The following LRRC7 variants were observed in gnomAD, a reference collection of about 807,000 sequenced individuals.
LRRC7 encodes leucine rich repeat containing 7.
LRRC7 carries 23 observed loss-of-function variants against 175.7 expected under a neutral mutation model. That is an observed-to-expected ratio of 0.13 (90% CI 0.09 to 0.19). The LOEUF (loss-of-function observed/expected upper bound fraction) is 0.19, where lower values mean the gene tolerates loss of function less well. Among genes scored for constraint, LRRC7 ranks in the 10% least tolerant of loss-of-function variants. LRRC7 has a pLI of 1.00. For missense variants in LRRC7, 1,354 were observed against 1,904.7 expected (o/e 0.71, Z 5.38); for synonymous variants, 685 against 680.9 (o/e 1.01, Z -0.09).
intron 7 of LRRC7, among the ~76,000 whole-genome samples, chr1:69,912,387 A>AT (rs1478914441): frequency 6.6e-6 from 1 of 152,076 alleles, no homozygotes; most frequent in Non-Finnish European, 1.5e-5. Context: ...TGGCTTAACT[A>AT]TTTTTTCAGT....
intron 7 of LRRC7, among the ~76,000 whole-genome samples, chr1:69,912,011 A>G (rs991743101): frequency 1.3e-5 from 2 of 152,192 alleles, no homozygotes; most frequent in African/African-American, 4.8e-5. Flanking sequence ...TGTATCATGT[A>G]TTTACATTGT....
chr1:70,042,227 C>T (rs1024750153), intron 21 of LRRC7, among the ~76,000 whole-genome samples: 5 of 152,194 alleles, frequency 3.3e-5, no homozygotes, highest in Non-Finnish European at 5.9e-5. Flanking sequence ...AACTTCCCAG[C>T]TACTCAACAA....
rs760265811 is a variant in LRRC7 at position 70,134,567 on chromosome 1, C to T, written c.*12680C>T. Among the ~76,000 whole-genome samples the T allele has an allele frequency of 1.3e-5, 2 of 152,142 alleles. No individual in the cohort carries two copies. The highest frequency in any genetic ancestry group is 2.9e-5 in the Non-Finnish European group (2 of 68,018). On this transcript the variant is annotated 3_prime_UTR_variant, in exon 27 of 27. Transcript: ENST00000651989. ...ACCCGGAGCAAAGGTAGAGGGAAGA[C>T]AAGGTGTTCTTTCCCAAAGTTTATG... is the stretch of plus-strand genomic sequence containing the variant.
intron 10 of LRRC7, among the ~76,000 whole-genome samples, chr1:69,993,290 A>G (rs1013128414): frequency 1.3e-5 from 2 of 152,150 alleles, no homozygotes; most frequent in African/African-American, 2.4e-5. Flanking sequence ...GTACTTGCTC[A>G]TAACAGTCTG....
intron 8 of LRRC7, among the ~76,000 whole-genome samples, chr1:69,977,334 T>C (rs971432485): frequency 6.6e-6 from 1 of 152,150 alleles, no homozygotes; most frequent in African/African-American, 2.4e-5. Flanking sequence ...TTAATTATGC[T>C]CCGTCACTTA....
chr1:69,647,508 G>A (rs535917781), intron 1 of LRRC7, among the ~76,000 whole-genome samples: 2 of 152,120 alleles, frequency 1.3e-5, no homozygotes, highest in East Asian at 3.9e-4. Flanking sequence ...TGCTCTGTAG[G>A]CTCCCTAGTA....
chr1:70,011,540 T>C (rs1183363645), intron 11 of LRRC7, among the ~76,000 whole-genome samples: 8 of 152,126 alleles, frequency 5.3e-5, no homozygotes, highest in Non-Finnish European at 7.4e-5. Context: ...TGTAAACAAA[T>C]GAAAAATTAT....
intron 8 of LRRC7, among the ~76,000 whole-genome samples, chr1:69,972,953 C>CTA (rs1202620730): frequency 1.4e-5 from 2 of 143,054 alleles, no homozygotes; most frequent in Non-Finnish European, 3.0e-5. Flanking sequence ...TATATAAATA[C>CTA]TATATATATA....
chr1:69,815,020 T>C (rs1438129975), intron 4 of LRRC7, among the ~76,000 whole-genome samples: 1 of 152,164 alleles, frequency 6.6e-6, no homozygotes, highest in Non-Finnish European at 1.5e-5. Context: ...TGTCAATATG[T>C]TCAAACACAT....
At chr1:69,653,042 A>T (rs1156862853) in intron 1 of LRRC7, among the ~76,000 whole-genome samples, 1 of 152,136 alleles carries the variant, frequency 6.6e-6, no homozygotes, top group Non-Finnish European at 1.5e-5. Flanking sequence ...CTTGGCAATG[A>T]TTTATTGGAT....
At chr1:69,677,857 G>A (rs571780820) in intron 1 of LRRC7, among the ~76,000 whole-genome samples, 5 of 152,194 alleles carry the variant, frequency 3.3e-5, no homozygotes, top group East Asian at 1.9e-4. Flanking sequence ...AGGTCAAGGT[G>A]CTGATAAATT....
chr1:69,916,892 A>C (rs1283950697), intron 7 of LRRC7, among the ~76,000 whole-genome samples: 5 of 152,184 alleles, frequency 3.3e-5, no homozygotes, highest in African/African-American at 4.8e-5. Context: ...GGTAATATAT[A>C]AAATGAAGGC....
rs545191553 is a variant in LRRC7 at position 69,895,549 on chromosome 1, T to C, written c.648-35958T>C. 1.4e-4 allele frequency among the ~76,000 whole-genome samples: 22 copies of C among 152,312 alleles called. No homozygotes were observed. In the South Asian group the frequency reaches 4.1e-3, roughly 29 times the overall value. On this transcript the variant is annotated intron_variant, in intron 7 of 26. Coordinates refer to ENST00000651989, the MANE Select transcript of LRRC7 (RefSeq NM_001370785.2). ...AGTGAAAGCATCACTGTAATTAAGA[T>C]AATGAACAAAATTCATCAGCCCCAA...
intron 1 of LRRC7, among the ~76,000 whole-genome samples, chr1:69,623,300 C>T (rs1454654977): frequency 6.6e-6 from 1 of 152,014 alleles, no homozygotes; most frequent in African/African-American, 2.4e-5. Flanking sequence ...TACTTTAAGA[C>T]ACAAGATAAC....
At chr1:69,591,168 T>C (rs1463110230) in intron 1 of LRRC7, among the ~76,000 whole-genome samples, 6 of 152,130 alleles carry the variant, frequency 3.9e-5, no homozygotes, top group African/African-American at 1.4e-4. Flanking sequence ...AAGCCAATTA[T>C]AGGAGTTTGC....
intron 7 of LRRC7, among the ~76,000 whole-genome samples, chr1:69,898,482 G>T (rs1412586308): frequency 2.0e-5 from 3 of 152,168 alleles, no homozygotes; most frequent in Non-Finnish European, 4.4e-5. Flanking sequence ...TGCAATAATT[G>T]ATAGCAAGAC....
At position 70,139,426 on chromosome 1, in the gene LRRC7, G is replaced by A. The variant is rs953703581; in HGVS notation, c.*17539G>A. The A allele has an allele frequency of 6.6e-6, 1 of 152,132 alleles. No homozygotes were observed. Among genetic ancestry groups the A allele is most frequent in the Non-Finnish European group, 1.5e-5 (1 of 68,010 alleles). 9.4% of individuals were successfully genotyped at this position (152,132 alleles called of 1,614,324 possible). On this transcript the variant is annotated 3_prime_UTR_variant, in exon 27 of 27. Transcript: ENST00000651989. Reference sequence around the variant, plus strand: ...TCCAGTGTACGTAACACTGCACAAAGAGCATATTTTATTCAGACCATTTGG... The same window carrying A: ...TCCAGTGTACGTAACACTGCACAAAAAGCATATTTTATTCAGACCATTTGG...
At chr1:69,985,326 A>G (rs1365015806) in intron 9 of LRRC7, among the ~76,000 whole-genome samples, 1 of 152,204 alleles carries the variant, frequency 6.6e-6, no homozygotes, top group East Asian at 1.9e-4. Context: ...ATTGACTCTA[A>G]TTAATAGGGT....
chr1:70,119,095 T>C (rs1666048360), intron 26 of LRRC7, among the ~76,000 whole-genome samples: 1 of 152,030 alleles, frequency 6.6e-6, no homozygotes, highest in Non-Finnish European at 1.5e-5. Context: ...GAACCATTTT[T>C]GAACGCTTTA....
Sources: gnomAD v4.1 joint callset for allele counts (sites outside exome capture counted in the v4.1 genomes callset) on GRCh38, gnomAD v4.1.1 for gene constraint, MANE v1.5 for transcripts, NCBI Gene and HGNC (gene_info 2026-07-23, HGNC 2026-07-21) for gene names.